Variants in PARD3 observed in about 807,000 individuals in gnomAD.
PARD3 encodes the protein partitioning defective 3 homolog.
Under a neutral mutation model 155.4 loss-of-function variants are expected in PARD3, and 75 were observed. The observed-to-expected ratio is 0.48, with a 90% confidence interval of 0.40 to 0.58. The LOEUF is 0.58. Among genes scored for constraint, PARD3 ranks in the 20% least tolerant of loss-of-function variants. The pLI is 0.00. For synonymous variants in PARD3, 576 were observed against 610.5 expected, an observed-to-expected ratio of 0.94 and a Z score of 0.83; for missense variants, 1,642 against 1,721.7, an observed-to-expected ratio of 0.95 and a Z score of 0.82.
At chr10:34,538,420 T>C (rs1420336383) in intron 2 of PARD3, among the ~76,000 whole-genome samples, 2 of 152,158 alleles carry the variant, frequency 1.3e-5, no homozygotes, top group African/African-American at 4.8e-5. Context: ...ACAATAGGTG[T>C]AGAAAGATGT....
chr10:34,421,522 C>G (rs764572874), intron 5 of PARD3, among the ~76,000 whole-genome samples: 1 of 151,666 alleles, frequency 6.6e-6, no homozygotes, highest in Non-Finnish European at 1.5e-5. Flanking sequence ...GAATCACTAC[C>G]GCTTGAAGTA....
intron 7 of PARD3, among the ~76,000 whole-genome samples, chr10:34,393,166 G>C (rs975105195): frequency 1.2e-4 from 16 of 136,098 alleles, no homozygotes; most frequent in African/African-American, 4.4e-4. Flanking sequence ...AAAAAAAAAA[G>C]TGTATATAAA....
intron 15 of PARD3, chr10:34,343,861 T>C: frequency 1.0e-6 from 1 of 983,316 alleles, no homozygotes; most frequent in Non-Finnish European, 1.2e-6. Flanking sequence ...AGTGAAACAA[T>C]GAAATACAAA....
intron 20 of PARD3, among the ~76,000 whole-genome samples, chr10:34,299,290 A>G (rs2134010409): frequency 6.6e-6 from 1 of 152,328 alleles, no homozygotes; most frequent in Admixed American, 6.5e-5. Context: ...GTCAGTACTG[A>G]AGACAAAAGG....
chr10:34,600,595 A>T (rs1040218452), intron 2 of PARD3, among the ~76,000 whole-genome samples: 9 of 152,154 alleles, frequency 5.9e-5, no homozygotes, highest in Admixed American at 2.6e-4. Context: ...AAGGGGACTG[A>T]CTGACCCAGA....
At chr10:34,410,288 G>GT (rs1030090315) in intron 5 of PARD3, among the ~76,000 whole-genome samples, 1 of 150,848 alleles carries the variant, frequency 6.6e-6, no homozygotes, top group African/African-American at 2.4e-5. Context: ...TACCTTTGGT[G>GT]TTTACTTTCA....
intron 23 of PARD3, among the ~76,000 whole-genome samples, chr10:34,129,700 C>CTTTTTTTTTTTTTTTTTTTTTTTT (rs1209547388): frequency 1.9e-4 from 16 of 82,978 alleles, no homozygotes; most frequent in African/African-American, 6.9e-4. Flanking sequence ...TGTCAAGCCT[C>CTTTTTTTTTTTTTTTTTTTTTTTT]TTTTTTTTTT....
At chr10:34,374,076 T>C (rs1840973476) in intron 11 of PARD3, among the ~76,000 whole-genome samples, 1 of 152,118 alleles carries the variant, frequency 6.6e-6, no homozygotes, top group Admixed American at 6.6e-5. Context: ...AAATACCACT[T>C]GTACTTGAAA....
At chr10:34,426,006 A>AT (rs1286145009) in intron 5 of PARD3, among the ~76,000 whole-genome samples, 3 of 152,122 alleles carry the variant, frequency 2.0e-5, no homozygotes, top group African/African-American at 7.2e-5. Context: ...ACAGAGTTGA[A>AT]TTTTTTTTAA....
chr10:34,208,045 T>C (rs2133380465), intron 22 of PARD3, among the ~76,000 whole-genome samples: 1 of 152,356 alleles, frequency 6.6e-6, no homozygotes, highest in Middle Eastern at 3.4e-3. Flanking sequence ...GAATACTGTC[T>C]GTGGTGTAAA....
At chr10:34,579,570 G>GTGTGTGTGTGTGTGTA (rs773127638) in intron 2 of PARD3, among the ~76,000 whole-genome samples, 4,081 of 138,290 alleles carry the variant, frequency 0.03, 77 homozygotes, top group Middle Eastern at 0.049. Flanking sequence ...GTGTGTGTGT[G>GTGTGTGTGTGTGTGTA]TGTGTGTGTG....
intron 1 of PARD3, among the ~76,000 whole-genome samples, chr10:34,737,068 C>T (rs965152680): frequency 2.0e-5 from 3 of 152,118 alleles, no homozygotes; most frequent in Non-Finnish European, 2.9e-5. Flanking sequence ...ACAATCCCAA[C>T]TGAGAACAGC....
intron 2 of PARD3, among the ~76,000 whole-genome samples, chr10:34,618,631 T>C (rs983027728): frequency 2.0e-5 from 3 of 152,078 alleles, no homozygotes; most frequent in South Asian, 2.1e-4. Flanking sequence ...AATCAGGAAA[T>C]AGATGAGCCA....
At chr10:34,336,884 G>A (rs1009498276) in intron 17 of PARD3, among the ~76,000 whole-genome samples, 1 of 151,972 alleles carries the variant, frequency 6.6e-6, no homozygotes. Context: ...TTGAGATAAT[G>A]GTTTCTCTCC....
chr10:34,173,872 T>C (rs1302877920), intron 22 of PARD3, among the ~76,000 whole-genome samples: 1 of 152,164 alleles, frequency 6.6e-6, no homozygotes, highest in Admixed American at 6.5e-5. Flanking sequence ...GTTTAACTGG[T>C]GAATGTGGCC....
chr10:34,231,988 T>C (rs968582799), intron 22 of PARD3, among the ~76,000 whole-genome samples: 1 of 152,080 alleles, frequency 6.6e-6, no homozygotes, highest in African/African-American at 2.4e-5. Context: ...ATAACTTACA[T>C]ACCAAGAGAT....
intron 2 of PARD3, among the ~76,000 whole-genome samples, chr10:34,638,392 A>G (rs1352872054): frequency 6.6e-6 from 1 of 152,202 alleles, no homozygotes; most frequent in East Asian, 1.9e-4. Context: ...AACAGTCCCC[A>G]ATTAGCTAAA....
intron 2 of PARD3, among the ~76,000 whole-genome samples, chr10:34,591,346 T>A (rs2088657857): frequency 6.6e-6 from 1 of 152,112 alleles, no homozygotes; most frequent in African/African-American, 2.4e-5. Context: ...TACATTTAAG[T>A]GGGGCTGGGT....
At chr10:34,583,148 T>C (rs1442352979) in intron 2 of PARD3, among the ~76,000 whole-genome samples, 1 of 152,120 alleles carries the variant, frequency 6.6e-6, no homozygotes, top group Non-Finnish European at 1.5e-5. Flanking sequence ...ACTAATAAAG[T>C]AAAAAATTTA....
Sources: gnomAD v4.1 joint callset for allele counts (sites outside exome capture counted in the v4.1 genomes callset) on GRCh38, gnomAD v4.1.1 for gene constraint, MANE v1.5 for transcripts, NCBI Gene and HGNC (gene_info 2026-07-23, HGNC 2026-07-21) for gene names.